The following CUX2 variants were observed in gnomAD, a reference collection of about 807,000 sequenced individuals.
CUX2 encodes the protein homeobox protein cut-like 2.
A neutral mutation model predicts 144.8 loss-of-function variants in CUX2; 40 were observed. The observed-to-expected ratio is 0.28, with a 90% CI of 0.21 to 0.36. The LOEUF is 0.36. Among genes scored for constraint, CUX2 ranks in the 10% least tolerant of loss-of-function variants. The pLI is 1.00. For synonymous variants in CUX2, 827 were observed against 875.6 expected, an observed-to-expected ratio of 0.94 and a Z score of 0.98; for missense variants, 1,615 against 1,994.0, an observed-to-expected ratio of 0.81 and a Z score of 3.62.
intron 1 of CUX2, among the ~76,000 whole-genome samples, chr12:111,125,109 A>G (rs1800951493): frequency 6.6e-6 from 1 of 151,896 alleles, no homozygotes; most frequent in South Asian, 2.1e-4. Context: ...TAACAGGAGC[A>G]ACTCCCCATT....
chr12:111,048,847 C>A (rs1265779462), intron 1 of CUX2, among the ~76,000 whole-genome samples: 1 of 152,050 alleles, frequency 6.6e-6, no homozygotes, highest in Non-Finnish European at 1.5e-5. Flanking sequence ...GGGATGTGGG[C>A]TGGAGTATGG....
At chr12:111,179,194 C>T (rs918127862) in intron 1 of CUX2, among the ~76,000 whole-genome samples, 5 of 152,130 alleles carry the variant, frequency 3.3e-5, no homozygotes, top group African/African-American at 9.7e-5. Flanking sequence ...GGAAACAGTG[C>T]CCAAAAGGGT....
At chr12:111,114,895 G>C (rs1057200431) in intron 1 of CUX2, among the ~76,000 whole-genome samples, 1 of 152,172 alleles carries the variant, frequency 6.6e-6, no homozygotes. Flanking sequence ...ATATCCATTT[G>C]TTCTAGCACC....
intron 1 of CUX2, among the ~76,000 whole-genome samples, chr12:111,083,992 A>G (rs1384514955): frequency 6.6e-6 from 1 of 152,130 alleles, no homozygotes; most frequent in Non-Finnish European, 1.5e-5. Context: ...GGGAGTAGTC[A>G]GGGAGGGCTT....
chr12:111,087,366 C>CGAAAAAAAAAAAA (rs1872289612), intron 1 of CUX2, among the ~76,000 whole-genome samples: 1 of 45,050 alleles, frequency 2.2e-5, no homozygotes, highest in Non-Finnish European at 5.2e-5. Flanking sequence ...GACTCCATCT[C>CGAAAAAAAAAAAA]AAAAAAAAAA....
intron 1 of CUX2, among the ~76,000 whole-genome samples, chr12:111,118,996 AC>A (rs1413551875): frequency 6.6e-6 from 1 of 152,180 alleles, no homozygotes; most frequent in Non-Finnish European, 1.5e-5. Flanking sequence ...GAGTTAAATC[AC>A]CCATCTCCTA....
intron 3 of CUX2, among the ~76,000 whole-genome samples, chr12:111,239,403 G>A (rs1294465656): frequency 2.6e-5 from 4 of 152,174 alleles, no homozygotes; most frequent in Non-Finnish European, 5.9e-5. Flanking sequence ...AACGGACCCA[G>A]CACAGAAACA....
Position 111,347,634 on chromosome 12 carries a change from C to T in CUX2, c.3770C>T (p.Thr1257Ile), listed in dbSNP as rs756881481. The T allele has an allele frequency of 3.1e-6, 5 of 1,613,334 alleles. No individual in the cohort carries two copies. The highest frequency in any genetic ancestry group is 3.4e-6 in the Non-Finnish European group (4 of 1,179,548). The change falls in exon 22 of 22, where the codon ACC becomes ATC. Residue 1257 changes from threonine (T) to isoleucine (I), a missense_variant. Thr to Ile is a moderately conservative substitution (Grantham distance 89). This residue lies in a region of CUX2 where 298 missense variants were observed against 330.4 expected (regional missense o/e 0.90). Coordinates refer to ENST00000261726, the MANE Select transcript of CUX2 (RefSeq NM_015267.4). ...LPPGHSHPDP[T>I]PQSPDSETED... ...CCAGGCCACTCCCACCCAGACCCCA[C>T]CCCGCAGAGCCCTGACTCTGAGACT...
chr12:111,291,445 G>A lies in CUX2; in HGVS notation c.329G>A (p.Arg110His), dbSNP rs775532302. ...PDPVPVFEAA[R>H]SLDDRLQPPS... ...CCCGTGCCTGTGTTTGAGGCGGCAC[G>A]CAGCCTAGACGACAGACTGCAGCCC... Residue 110 changes from arginine to histidine, a missense_variant, in exon 5 of 22, where the codon CGC becomes CAC. Around this residue, in one of 12 missense-constraint regions of CUX2, gnomAD observed 295 missense variants for 400.2 expected, o/e 0.74. Transcript: ENST00000261726. 3.7e-5 allele frequency: 60 copies of A among 1,611,476 alleles called. No individual in the cohort carries two copies. The highest frequency in any genetic ancestry group is 4.5e-5 in the Non-Finnish European group (53 of 1,178,868).
intron 1 of CUX2, among the ~76,000 whole-genome samples, chr12:111,128,825 C>G (rs1439793528): frequency 6.6e-6 from 1 of 152,236 alleles, no homozygotes; most frequent in Non-Finnish European, 1.5e-5. Context: ...CTGCCACTGA[C>G]ACCTCGGGCA....
intron 1 of CUX2, among the ~76,000 whole-genome samples, chr12:111,170,162 A>G (rs1878426303): frequency 6.6e-6 from 1 of 152,190 alleles, no homozygotes; most frequent in African/African-American, 2.4e-5. Context: ...ATAACTGGCC[A>G]GGCGTGGTGG....
At position 111,214,240 on chromosome 12, in the gene CUX2, A is replaced by G; in HGVS notation, c.104A>G (p.Gln35Arg). Reference sequence around the variant, plus strand: ...GTCGCTTCTGAGCTGTCTGCACGGCAGGAGGAGAGTGAACATTCTCATAAA... The same window carrying G: ...GTCGCTTCTGAGCTGTCTGCACGGCGGGAGGAGAGTGAACATTCTCATAAA... ...NSVASELSAR[Q>R]EESEHSHKHL... Residue 35 changes from glutamine (Q) to arginine (R), a missense_variant, in exon 2 of 22, where the codon CAG becomes CGG. Physicochemically the swap from Gln to Arg is conservative, Grantham distance 43. Around this residue, in one of 12 missense-constraint regions of CUX2, gnomAD observed 64 missense variants for 64.9 expected, o/e 0.99. Transcript: ENST00000261726. 6.2e-7 allele frequency: 1 copy of G among 1,605,070 alleles called. No individual in the cohort carries two copies. The highest frequency in any genetic ancestry group is 1.4e-5 in the African/African-American group (1 of 73,306).
At chr12:111,184,573 CAAAAAAAAAAAA>C (rs71445536) in intron 1 of CUX2, among the ~76,000 whole-genome samples, 12 of 46,922 alleles carry the variant, frequency 2.6e-4, no homozygotes, top group East Asian at 1.2e-3. Context: ...TTCTCTCTAC[CAAAAAAAAAAAA>C]AAAAAAAAAA....
At chr12:111,228,380 G>A (rs1882286762) in intron 3 of CUX2, among the ~76,000 whole-genome samples, 1 of 152,090 alleles carries the variant, frequency 6.6e-6, no homozygotes, top group South Asian at 2.1e-4. Context: ...ATCCGGCTCT[G>A]CATATATGCA....
At chr12:111,294,597 A>G (rs1341853503) in intron 6 of CUX2, among the ~76,000 whole-genome samples, 1 of 151,472 alleles carries the variant, frequency 6.6e-6, no homozygotes, top group East Asian at 1.9e-4. Context: ...AAAAAAAAAA[A>G]AAAAAAGAAA....
At chr12:111,247,011 C>T (rs1883311277) in intron 3 of CUX2, among the ~76,000 whole-genome samples, 1 of 152,154 alleles carries the variant, frequency 6.6e-6, no homozygotes, top group Non-Finnish European at 1.5e-5. Context: ...AAATCAACAT[C>T]TATTGAGTAT....
intron 1 of CUX2, among the ~76,000 whole-genome samples, chr12:111,205,821 C>A (rs1010870460): frequency 1.3e-5 from 2 of 152,186 alleles, no homozygotes; most frequent in African/African-American, 4.8e-5. Flanking sequence ...TCACTGTTTC[C>A]CAGACAGACC....
chr12:111,330,726 T>TACATATAC (rs1565926275), intron 18 of CUX2, among the ~76,000 whole-genome samples: 692 of 55,846 alleles, frequency 0.012, 60 homozygotes, highest in Non-Finnish European at 0.02. Flanking sequence ...TATATATATA[T>TACATATAC]ATATATATAT....
chr12:111,245,694 G>A (rs115831868), intron 3 of CUX2, among the ~76,000 whole-genome samples: 3 of 152,150 alleles, frequency 2.0e-5, no homozygotes, highest in Non-Finnish European at 2.9e-5. Context: ...GAGCTAAGAG[G>A]TTTTCTCTGC....
Sources: allele counts gnomAD v4.1 joint callset (sites outside exome capture counted in the v4.1 genomes callset), GRCh38; gene constraint gnomAD v4.1.1; regional missense constraint gnomAD v4.1.1; transcripts MANE v1.5; gene names NCBI Gene and HGNC (gene_info 2026-07-23, HGNC 2026-07-21).